The following CNTRL variants were observed in gnomAD, a reference collection of about 807,000 sequenced individuals.
CNTRL encodes the protein centriolin, also known as 110 kDa centrosomal protein.
A neutral mutation model predicts 303.7 loss-of-function variants in CNTRL; 233 were observed. The observed-to-expected ratio is 0.77, with a 90% CI of 0.69 to 0.86. The LOEUF (loss-of-function observed/expected upper bound fraction) is 0.86, where lower values mean the gene tolerates loss of function less well. Among genes scored for constraint, CNTRL ranks in the 40% least tolerant of loss-of-function variants. The pLI, the probability that CNTRL is intolerant of heterozygous loss-of-function variation, is 0.00. For synonymous variants in CNTRL, 900 were observed against 922.2 expected (o/e 0.98, Z 0.44); for missense variants, 2,524 against 2,650.6 (o/e 0.95, Z 1.05).
intron 14 of CNTRL, among the ~76,000 whole-genome samples, chr9:121,133,398 G>A (rs2050988930): frequency 6.6e-6 from 1 of 152,238 alleles, no homozygotes; most frequent in Non-Finnish European, 1.5e-5. Context: ...GTCTATCTCA[G>A]ACTGCTACAC....
At chr9:121,100,891 A>T (rs192318050) in intron 7 of CNTRL, among the ~76,000 whole-genome samples, 1 of 152,238 alleles carries the variant, frequency 6.6e-6, no homozygotes, top group Non-Finnish European at 1.5e-5. Flanking sequence ...CCAATACAGG[A>T]GAATCCAGAT....
chr9:121,142,913 C>CTT lies in CNTRL; in HGVS notation c.2871+654_2871+655dup, dbSNP rs60012342. 0.016 allele frequency among the ~76,000 whole-genome samples: 2,360 copies of CTT among 147,616 alleles called. 113 individuals are homozygous for CTT. In the East Asian group the frequency reaches 0.19, roughly 12 times the overall value. On this transcript the variant is annotated intron_variant, in intron 19 of 43. Coordinates refer to ENST00000373855, the MANE Select transcript of CNTRL (RefSeq NM_007018.6). ...AAATTTTGTGGTCTACCAACTATAA[C>CTT]TTTTTTTTTTTTAACAAATATCCTC... is the stretch of plus-strand genomic sequence containing the variant.
At chr9:121,151,093 C>A (rs373700407) in intron 25 of CNTRL, among the ~76,000 whole-genome samples, 8 of 151,456 alleles carry the variant, frequency 5.3e-5, no homozygotes, top group African/African-American at 1.9e-4. Context: ...GTTTATATTT[C>A]GGTGGGGATA....
At chr9:121,111,215 T>C (rs2049733397) in intron 8 of CNTRL, 1 of 152,138 alleles carries the variant, frequency 6.6e-6, no homozygotes, top group Non-Finnish European at 1.5e-5. Flanking sequence ...CAGTATTGGA[T>C]TTGAAATCAG....
At chr9:121,163,510 A>G (rs1212642267) in intron 34 of CNTRL, among the ~76,000 whole-genome samples, 2 of 152,084 alleles carry the variant, frequency 1.3e-5, no homozygotes, top group Non-Finnish European at 2.9e-5. Context: ...TAATAAATTG[A>G]TAAAATTAGA....
In CNTRL at chr9:121,088,350, A is replaced by G; in HGVS notation, c.24A>G (p.Lys8=). Residue 8 remains lysine (K), a synonymous_variant, in exon 3 of 44, where the codon AAA becomes AAG. Coordinates refer to ENST00000373855, the MANE Select transcript of CNTRL (RefSeq NM_007018.6). MKKGSQQ[K]IFSKAKIPSS... ...CAATGAAGAAAGGTTCTCAACAAAA[A>G]ATATTCTCCAAAGCAAAGATACCAT... The G allele has an allele frequency of 6.2e-7, 1 of 1,613,270 alleles. No homozygotes were observed. Among genetic ancestry groups the G allele is most frequent in the Non-Finnish European group, 8.5e-7 (1 of 1,179,326 alleles).
At chr9:121,165,578 C>T (rs2053056850) in intron 35 of CNTRL, among the ~76,000 whole-genome samples, 1 of 152,088 alleles carries the variant, frequency 6.6e-6, no homozygotes, top group Admixed American at 6.5e-5. Context: ...TAATAATATA[C>T]TTGTTGAACA....
At chr9:121,110,456 A>G (rs1212606086) in intron 8 of CNTRL, among the ~76,000 whole-genome samples, 2 of 152,102 alleles carry the variant, frequency 1.3e-5, no homozygotes, top group Non-Finnish European at 2.9e-5. Context: ...GTAAAGAGCA[A>G]CTTGTATTAT....
Position 121,154,870 on chromosome 9 carries a change from T to C in CNTRL, c.4322T>C (p.Leu1441Pro), listed in dbSNP as rs2052478443. 8 of 1,614,178 alleles carry C rather than the reference T, an allele frequency of 5.0e-6. No homozygotes were observed. The highest frequency in any genetic ancestry group is 6.8e-6 in the Non-Finnish European group (8 of 1,180,010). The change falls in exon 27 of 44, where the codon CTC becomes CCC. Residue 1441 changes from leucine to proline, a missense_variant. Physicochemically the swap from Leu to Pro is moderately conservative, Grantham distance 98. Transcript: ENST00000373855. ...RRSELREADR[L>P]LAEAESELSC... ...TCAGAGCTCAGGGAAGCTGACCGAC[T>C]CCTGGCAGAGGCTGAGAGTGAACTT...
intron 2 of CNTRL, among the ~76,000 whole-genome samples, chr9:121,086,348 A>T (rs933902831): frequency 2.6e-5 from 4 of 152,184 alleles, no homozygotes; most frequent in Non-Finnish European, 5.9e-5. Flanking sequence ...AAAAAATACA[A>T]ATTCATTGAG....
intron 12 of CNTRL, 150 bp from the exon 13 acceptor site, chr9:121,123,781 C>T (rs1168047141): frequency 2.0e-6 from 1 of 494,988 alleles, no homozygotes; most frequent in African/African-American, 2.0e-5. Context: ...ATGAAAACTA[C>T]CCATGTGAAA....
At position 121,138,543 on chromosome 9, in the gene CNTRL, A is replaced by G. The variant is rs1333351748; in HGVS notation, c.2203-2A>G. 7 of 1,613,462 alleles carry G rather than the reference A, an allele frequency of 4.3e-6. No homozygotes were observed. The highest frequency in any genetic ancestry group is 1.1e-5 in the South Asian group (1 of 90,974). On this transcript the variant is annotated splice_acceptor_variant, in intron 15 of 43. Coordinates refer to ENST00000373855, the MANE Select transcript of CNTRL (RefSeq NM_007018.6). LOFTEE classifies it high-confidence loss of function. ...TCATGTCATTGCTTCCTATGGTGAC[A>G]GTTAGAACAATCAGCCCTTCAAGCA...
chr9:121,160,365 C>G, intron 32 of CNTRL, 63 bp downstream of exon 32: 3 of 1,216,526 alleles, frequency 2.5e-6, no homozygotes, highest in African/African-American at 3.1e-5. Flanking sequence ...TTACAAGTCA[C>G]AGAAAAAATA....
chr9:121,154,573 C>T, intron 26 of CNTRL, 148 bp from the exon 27 acceptor site: 1 of 563,748 alleles, frequency 1.8e-6, no homozygotes, highest in Non-Finnish European at 3.1e-6. Flanking sequence ...TAAACCTAGA[C>T]CTTGAACAAA....
At chr9:121,101,841 A>T (rs2049186949) in intron 7 of CNTRL, among the ~76,000 whole-genome samples, 1 of 152,222 alleles carries the variant, frequency 6.6e-6, no homozygotes, top group Non-Finnish European at 1.5e-5. Context: ...CCCTCCCAAG[A>T]CTAAACCAGG....
intron 13 of CNTRL, 115 bp downstream of exon 13, chr9:121,124,199 G>A (rs2050383777): frequency 2.4e-6 from 2 of 831,178 alleles, no homozygotes; most frequent in Non-Finnish European, 3.6e-6. Flanking sequence ...ATTAGTACTA[G>A]TATTTGATAG....
chr9:121,136,915 A>G (rs1393610824), intron 15 of CNTRL, among the ~76,000 whole-genome samples: 1 of 152,218 alleles, frequency 6.6e-6, no homozygotes, highest in Non-Finnish European at 1.5e-5. Context: ...AGACCACCCT[A>G]CAGAAATGAT....
chr9:121,079,788 C>T (rs781619212), intron 1 of CNTRL, among the ~76,000 whole-genome samples: 5 of 152,174 alleles, frequency 3.3e-5, no homozygotes, highest in Non-Finnish European at 5.9e-5. Flanking sequence ...TTTCAAACTA[C>T]TCACCTTGAG....
intron 22 of CNTRL, 56 bp downstream of exon 22, chr9:121,145,441 A>G: frequency 6.6e-7 from 1 of 1,517,140 alleles, no homozygotes. Flanking sequence ...AAATTAAATC[A>G]TCTCATTTGT....
Sources: gnomAD v4.1 joint callset for allele counts (sites outside exome capture counted in the v4.1 genomes callset) on GRCh38, gnomAD v4.1.1 for gene constraint, MANE v1.5 for transcripts, NCBI Gene and HGNC (gene_info 2026-07-23, HGNC 2026-07-21) for gene names.